STK33: variants seen among roughly 807,000 people sequenced by gnomAD.
The protein encoded by STK33 is serine/threonine-protein kinase 33.
A neutral mutation model predicts 58.0 loss-of-function variants in STK33; 52 were observed. The ratio of observed to expected loss-of-function variants is 0.90; its 90% CI spans 0.72 to 1.13. The LOEUF is 1.13. STK33 is among the 50% of genes most tolerant of loss of function. STK33 has a pLI of 0.00. For missense variants in STK33, 630 were observed against 604.2 expected (o/e 1.04, Z -0.45); for synonymous variants, 215 against 200.1 (o/e 1.07, Z -0.63).
intron 11 of STK33, among the ~76,000 whole-genome samples, chr11:8,446,763 A>G (rs1384932411): frequency 6.6e-6 from 1 of 152,218 alleles, no homozygotes; most frequent in African/African-American, 2.4e-5. Flanking sequence ...CTGGCTAGCC[A>G]TATGCAGAAA....
At chr11:8,360,354 C>A in the STK33 span, among the ~76,000 whole-genome samples, 12 of 152,252 alleles carry the variant, frequency 7.9e-5, no homozygotes, top group African/African-American at 1.2e-4. Context: ...TTCCTCATCT[C>A]TAACCATCAA....
At chr11:8,363,363 T>A in the STK33 span, among the ~76,000 whole-genome samples, 2 of 152,200 alleles carry the variant, frequency 1.3e-5, no homozygotes, top group Non-Finnish European at 2.9e-5. Context: ...GGATGATTTT[T>A]AAAATAAATT....
At chr11:8,547,395 C>T (rs11041974) in intron 1 of STK33, among the ~76,000 whole-genome samples, 81,565 of 151,826 alleles carry the variant, frequency 0.54, 22,079 homozygotes, top group South Asian at 0.65. Flanking sequence ...TGTATTTTTC[C>T]TAGAGATGAG....
chr11:8,530,945 T>TGAAC, intron 1 of STK33, among the ~76,000 whole-genome samples: 1 of 151,462 alleles, frequency 6.6e-6, no homozygotes, highest in Non-Finnish European at 1.5e-5. Context: ...CCCACCTCAG[T>TGAAC]CTCCCAAAGT....
At chr11:8,394,929 T>G (rs956874878) in intron 15 of STK33, among the ~76,000 whole-genome samples, 1 of 152,218 alleles carries the variant, frequency 6.6e-6, no homozygotes, top group Non-Finnish European at 1.5e-5. Flanking sequence ...ATATTCACAA[T>G]GTTCAAAATC....
At chr11:8,587,576 T>C (rs1278846024) in intron 1 of STK33, among the ~76,000 whole-genome samples, 1 of 125,644 alleles carries the variant, frequency 8.0e-6, no homozygotes, top group African/African-American at 3.1e-5. Flanking sequence ...GGAGGAGTTT[T>C]CAATGGAAGG....
At chr11:8,542,602 T>C (rs868124610) in intron 1 of STK33, among the ~76,000 whole-genome samples, 3 of 152,278 alleles carry the variant, frequency 2.0e-5, no homozygotes, top group South Asian at 4.1e-4. Flanking sequence ...AAAATGTCAA[T>C]AGGGCCAACG....
At chr11:8,526,403 A>AT (rs1445101864) in intron 1 of STK33, among the ~76,000 whole-genome samples, 1 of 152,110 alleles carries the variant, frequency 6.6e-6, no homozygotes, top group Non-Finnish European at 1.5e-5. Context: ...AAAAAAAAAA[A>AT]GAAAGTTATT....
intron 12 of STK33, among the ~76,000 whole-genome samples, chr11:8,437,201 T>C (rs1326326998): frequency 1.3e-5 from 2 of 152,202 alleles, no homozygotes; most frequent in African/African-American, 4.8e-5. Flanking sequence ...GTGTATAAAG[T>C]GAACATGGAC....
chr11:8,481,825 G>A (rs1949826257), intron 1 of STK33, among the ~76,000 whole-genome samples: 1 of 152,134 alleles, frequency 6.6e-6, no homozygotes, highest in Non-Finnish European at 1.5e-5. Context: ...TTATTTTGGT[G>A]ATGGACCATA....
chr11:8,545,265 C>A (rs2140423536), intron 1 of STK33, among the ~76,000 whole-genome samples: 1 of 152,252 alleles, frequency 6.6e-6, no homozygotes, highest in South Asian at 2.1e-4. Flanking sequence ...TGGGAATCAA[C>A]AACCAGTGAG....
intron 14 of STK33, among the ~76,000 whole-genome samples, chr11:8,425,646 C>A (rs7108993): frequency 0.58 from 87,548 of 151,998 alleles, 25,648 homozygotes; most frequent in South Asian, 0.71. Flanking sequence ...CCATGTCTTT[C>A]TGCTTCAAAT....
chr11:8,468,518 G>A (rs1409228680), intron 6 of STK33, among the ~76,000 whole-genome samples: 1 of 152,224 alleles, frequency 6.6e-6, no homozygotes, highest in African/African-American at 2.4e-5. Flanking sequence ...AATTGTGTCT[G>A]TTCTGTTATT....
intron 1 of STK33, among the ~76,000 whole-genome samples, chr11:8,486,268 C>T (rs1294360098): frequency 6.6e-6 from 1 of 152,172 alleles, no homozygotes; most frequent in Non-Finnish European, 1.5e-5. Flanking sequence ...CATACAGGAG[C>T]CTGTGTGATA....
intron 14 of STK33, among the ~76,000 whole-genome samples, chr11:8,420,637 A>T (rs1941776654): frequency 6.6e-6 from 1 of 152,164 alleles, no homozygotes; most frequent in Non-Finnish European, 1.5e-5. Context: ...GCTATCCAGA[A>T]TCTTGTGATT....
intron 11 of STK33, among the ~76,000 whole-genome samples, chr11:8,444,628 A>T (rs1420528269): frequency 6.6e-6 from 1 of 152,174 alleles, no homozygotes; most frequent in Non-Finnish European, 1.5e-5. Context: ...TACACAGGAG[A>T]ATATGAAAAT....
chr11:8,470,534 T>C (rs375296848), intron 6 of STK33, among the ~76,000 whole-genome samples: 1 of 152,344 alleles, frequency 6.6e-6, no homozygotes, highest in East Asian at 1.9e-4. Context: ...AATTTTCTTT[T>C]TCTTTAAAAA....
chr11:8,546,264 A>G (rs1955905109), intron 1 of STK33, among the ~76,000 whole-genome samples: 1 of 152,156 alleles, frequency 6.6e-6, no homozygotes, highest in South Asian at 2.1e-4. Context: ...TTTATTTTTA[A>G]AACTTTTTCT....
chr11:8,392,823 T>G, intron 15 of STK33, 113 bp from the exon 16 acceptor site: 5 of 968,962 alleles, frequency 5.2e-6, no homozygotes, highest in Non-Finnish European at 7.8e-6. Context: ...CCTCTCTAGA[T>G]ATAGGGTCCA....
Sources: allele counts gnomAD v4.1 joint callset (sites outside exome capture counted in the v4.1 genomes callset), GRCh38; gene constraint gnomAD v4.1.1; transcripts MANE v1.5; gene names NCBI Gene and HGNC (gene_info 2026-07-23, HGNC 2026-07-21).